Variants in ARHGEF26 observed in about 807,000 individuals in gnomAD.
The protein encoded by ARHGEF26 is Rho guanine nucleotide exchange factor (GEF) 26.
In ARHGEF26, 59 loss-of-function variants were observed where a neutral mutation model predicts 89.4. The observed-to-expected ratio is 0.66, with a 90% CI of 0.54 to 0.82. The LOEUF (loss-of-function observed/expected upper bound fraction) is 0.82, where lower values mean the gene tolerates loss of function less well. Ranked by LOEUF, ARHGEF26 falls within the 40% of genes least tolerant of loss-of-function variation. The pLI is 0.00. For synonymous variants in ARHGEF26, 500 were observed against 428.4 expected (o/e 1.17, Z -2.06); for missense variants, 1,234 against 1,085.6 (o/e 1.14, Z -1.92).
At chr3:154,202,366 C>G (rs545090688) in intron 9 of ARHGEF26, among the ~76,000 whole-genome samples, 1 of 152,088 alleles carries the variant, frequency 6.6e-6, no homozygotes, top group Non-Finnish European at 1.5e-5. Flanking sequence ...TGGTCTATAT[C>G]TCTGTTTTGG....
Position 154,191,336 on chromosome 3 carries a change from A to G in ARHGEF26, c.1688A>G (p.His563Arg), listed in dbSNP as rs769069545. The G allele has an allele frequency of 9.3e-6, 15 of 1,613,580 alleles. No homozygotes were observed. In the African/African-American group the frequency reaches 9.3e-5, roughly 10 times the overall value. ...FKEVLSRIES[H>R]EDCRNLPMIS... ...GAAGTATTGTCAAGGATTGAGTCCCATGAAGACTGTAGGAACTTACCCATG... is the reference window on the plus strand; with the variant it reads ...GAAGTATTGTCAAGGATTGAGTCCCGTGAAGACTGTAGGAACTTACCCATG... Residue 563 changes from histidine (H) to arginine (R), a missense_variant, in exon 8 of 15, where the codon CAT becomes CGT. His to Arg is a conservative substitution (Grantham distance 29). Coordinates refer to ENST00000465093, the MANE Select transcript of ARHGEF26 (RefSeq NM_015595.4).
intron 11 of ARHGEF26, among the ~76,000 whole-genome samples, chr3:154,232,264 G>C (rs1716872857): frequency 6.6e-6 from 1 of 152,162 alleles, no homozygotes; most frequent in East Asian, 1.9e-4. Context: ...CAGGGATGGG[G>C]CTTCCTGGCC....
intron 11 of ARHGEF26, 144 bp downstream of exon 11, chr3:154,226,154 T>C (rs1716472450): frequency 2.8e-6 from 2 of 708,962 alleles, no homozygotes; most frequent in Non-Finnish European, 4.3e-6. Context: ...GCATCTATGG[T>C]TCATTTTCTT....
At chr3:154,192,249 T>C (rs1423432213) in intron 8 of ARHGEF26, among the ~76,000 whole-genome samples, 1 of 152,254 alleles carries the variant, frequency 6.6e-6, no homozygotes, top group African/African-American at 2.4e-5. Context: ...AGGTCAACTT[T>C]TTACATACCT....
At chr3:154,139,934 T>A (rs1449667995) in intron 4 of ARHGEF26, among the ~76,000 whole-genome samples, 1 of 152,230 alleles carries the variant, frequency 6.6e-6, no homozygotes, top group Non-Finnish European at 1.5e-5. Flanking sequence ...AAAATAAAAT[T>A]GCAGATTATT....
Position 154,147,972 on chromosome 3 carries a change from T to C in ARHGEF26, c.1270-1417T>C, listed in dbSNP as rs140713494. Among the ~76,000 whole-genome samples the C allele has an allele frequency of 6.5e-3, 996 of 152,316 alleles. 6 individuals are homozygous for C. Among genetic ancestry groups the C allele is most frequent in the Non-Finnish European group, 0.011 (779 of 68,028 alleles). On this transcript the variant is annotated intron_variant, in intron 4 of 14. Coordinates refer to ENST00000465093, the MANE Select transcript of ARHGEF26 (RefSeq NM_015595.4). Reference sequence around the variant, plus strand: ...TTTCATCTCTCCACCTTGATCAGTCTCTGAAATCTTCTTGCCTGTTCATGA... The same window carrying C: ...TTTCATCTCTCCACCTTGATCAGTCCCTGAAATCTTCTTGCCTGTTCATGA...
intron 6 of ARHGEF26, among the ~76,000 whole-genome samples, chr3:154,173,792 G>A: frequency 6.6e-6 from 1 of 152,134 alleles, no homozygotes; most frequent in Non-Finnish European, 1.5e-5. Context: ...AGGCCTGCAG[G>A]TTCCTGACAA....
chr3:154,191,879 A>G (rs867881802), intron 8 of ARHGEF26, among the ~76,000 whole-genome samples: 1 of 152,248 alleles, frequency 6.6e-6, no homozygotes, highest in South Asian at 2.1e-4. Context: ...ATGACAAGGC[A>G]TAGTACTGCC....
At position 154,255,984 on chromosome 3, in the gene ARHGEF26, T is replaced by G; in HGVS notation, c.*511T>G. 1 of 985,964 alleles carries G rather than the reference T, an allele frequency of 1.0e-6. No individual in the cohort carries two copies. Among genetic ancestry groups the G allele is most frequent in the Non-Finnish European group, 1.2e-6 (1 of 830,084 alleles). The allele number at this position is 985,964 out of a possible 1,614,324, so 61.1% of individuals were successfully genotyped here. A position where few individuals can be genotyped will look rare whatever the true frequency, so the allele number is the denominator to read the frequency against. On this transcript the variant is annotated 3_prime_UTR_variant, in exon 15 of 15. Coordinates refer to ENST00000465093, the MANE Select transcript of ARHGEF26 (RefSeq NM_015595.4). ...CTTCGTTAACTTCAAAAGGAACTGG[T>G]AGAGTTCAGAAGGTGAGCTGTTGTT... is the stretch of plus-strand genomic sequence containing the variant.
chr3:154,167,178 T>C (rs185654293), intron 6 of ARHGEF26, among the ~76,000 whole-genome samples: 43 of 152,334 alleles, frequency 2.8e-4, no homozygotes, highest in African/African-American at 1.0e-3. Context: ...GGGATTCTTA[T>C]TGAGCATTAC....
At chr3:154,169,403 G>A (rs1405386682) in intron 6 of ARHGEF26, among the ~76,000 whole-genome samples, 1 of 152,122 alleles carries the variant, frequency 6.6e-6, no homozygotes, top group East Asian at 1.9e-4. Flanking sequence ...TGACACGCGT[G>A]TTTCCAGCTG....
chr3:154,211,867 A>ATGTGTG (rs3029699), intron 9 of ARHGEF26, among the ~76,000 whole-genome samples: 28,886 of 151,044 alleles, frequency 0.19, 3,083 homozygotes, highest in South Asian at 0.37. Flanking sequence ...GTATATATAT[A>ATGTGTG]TGTGTGTGTG....
intron 6 of ARHGEF26, among the ~76,000 whole-genome samples, chr3:154,179,498 C>T (rs1576743219): frequency 6.6e-6 from 1 of 151,762 alleles, no homozygotes; most frequent in East Asian, 1.9e-4. Flanking sequence ...GCAGCAGGGC[C>T]TTGAGGGAAT....
chr3:154,236,966 G>A (rs1717161882), intron 11 of ARHGEF26, among the ~76,000 whole-genome samples: 1 of 152,154 alleles, frequency 6.6e-6, no homozygotes, highest in Non-Finnish European at 1.5e-5. Flanking sequence ...AGTCCAGTGG[G>A]CCAAGTTCCT....
chr3:154,243,895 T>TA (rs1717630398), intron 12 of ARHGEF26, among the ~76,000 whole-genome samples: 2 of 152,258 alleles, frequency 1.3e-5, no homozygotes, highest in African/African-American at 4.8e-5. Flanking sequence ...GGCAAATTGT[T>TA]ACATGCCATG....
rs751405553 is a variant in ARHGEF26 at position 154,240,495 on chromosome 3, G to A, written c.2216G>A (p.Ser739Asn). ...TCCACAATGCTCTATTCAAGACAGA[G>A]CTCTGCCAGTCACCTCTTTACTCTG... ...NSSTMLYSRQ[S>N]SASHLFTLTV... is the part of the protein sequence containing the mutation. Residue 739 changes from serine (S) to asparagine (N), a missense_variant, in exon 12 of 15, where the codon AGC becomes AAC. Ser to Asn is a conservative substitution (Grantham distance 46). Coordinates refer to ENST00000465093, the MANE Select transcript of ARHGEF26 (RefSeq NM_015595.4). 6.2e-7 allele frequency: 1 copy of A among 1,613,386 alleles called. No homozygotes were observed.
intron 6 of ARHGEF26, among the ~76,000 whole-genome samples, chr3:154,165,312 T>C (rs1443544843): frequency 6.6e-6 from 1 of 152,190 alleles, no homozygotes; most frequent in Non-Finnish European, 1.5e-5. Context: ...AATATTATTT[T>C]ACCACTGTTT....
chr3:154,246,122 G>A (rs948331595), intron 12 of ARHGEF26, among the ~76,000 whole-genome samples: 6 of 152,158 alleles, frequency 3.9e-5, no homozygotes, highest in African/African-American at 1.2e-4. Context: ...CTAATTGGGG[G>A]GTGGTGAGGA....
intron 4 of ARHGEF26, among the ~76,000 whole-genome samples, chr3:154,136,309 T>G (rs1719002870): frequency 7.1e-6 from 1 of 140,138 alleles, no homozygotes; most frequent in Non-Finnish European, 1.5e-5. Context: ...TTAAAATATT[T>G]TAACTAAAGT....
Sources: allele counts gnomAD v4.1 joint callset (sites outside exome capture counted in the v4.1 genomes callset), GRCh38; gene constraint gnomAD v4.1.1; transcripts MANE v1.5; gene names NCBI Gene and HGNC (gene_info 2026-07-23, HGNC 2026-07-21).